ZSCAN29: variants seen among roughly 807,000 people sequenced by gnomAD.
ZSCAN29 encodes the protein zinc finger and SCAN domain containing 29, also known as zinc finger and SCAN domain-containing protein 29.
A neutral mutation model predicts 71.9 loss-of-function variants in ZSCAN29; 55 were observed. The ratio of observed to expected loss-of-function variants is 0.76; its 90% CI spans 0.62 to 0.96. The LOEUF (loss-of-function observed/expected upper bound fraction) is 0.96. Among genes scored for constraint, ZSCAN29 ranks in the 40% least tolerant of loss-of-function variants. ZSCAN29 has a pLI of 0.00. For synonymous variants in ZSCAN29, 351 were observed against 371.6 expected (o/e 0.94, Z 0.64); for missense variants, 1,042 against 1,042.2 (o/e 1.00, Z 0.00).
chr15:43,361,872 C>G lies in ZSCAN29; in HGVS notation c.1760G>C (p.Arg587Thr), dbSNP rs921257955. ...RDISEEVQLH[R>T]TLLARSERKI... ...CCTTTCAGATCTTGCAAGTAATGTC[C>G]TATGCAGTTGTACTTCCTCAGAAAT... The change falls in exon 6 of 6, where the codon AGG becomes ACG. Residue 587 changes from arginine (R) to threonine (T), a missense_variant. Coordinates refer to ENST00000684362, the MANE Select transcript of ZSCAN29 (RefSeq NM_001372080.1). The G allele has an allele frequency of 1.2e-5, 20 of 1,614,038 alleles. No homozygotes were observed. The highest frequency in any genetic ancestry group is 1.7e-5 in the Non-Finnish European group (20 of 1,180,032).
chr15:43,364,477 A>C, intron 4 of ZSCAN29, 95 bp from the exon 5 acceptor site: 1 of 1,133,252 alleles, frequency 8.8e-7, no homozygotes, highest in Non-Finnish European at 1.3e-6. Flanking sequence ...AATTCACCTA[A>C]GCTCAGGCTC....
chr15:43,363,817 AG>A (rs1188223140), intron 5 of ZSCAN29, 97 bp downstream of exon 5: 83 of 1,180,680 alleles, frequency 7.0e-5, no homozygotes, highest in Non-Finnish European at 9.5e-5. Flanking sequence ...AATCCATGAA[AG>A]CTGGGTGTAG....
chr15:43,361,966 G>A, intron 5 of ZSCAN29, 25 bp from the exon 6 acceptor site: 1 of 1,580,818 alleles, frequency 6.3e-7, no homozygotes, highest in Non-Finnish European at 8.6e-7. Flanking sequence ...AATTTTAGAA[G>A]TTATCTATTT....
In ZSCAN29 at chr15:43,361,518, G is replaced by C. The variant is rs1264296789; in HGVS notation, c.2114C>G (p.Pro705Arg). The change falls in exon 6 of 6, where the codon CCT becomes CGT. Residue 705 changes from proline to arginine, a missense_variant. Physicochemically the swap from Pro to Arg is moderately radical, Grantham distance 103. Transcript: ENST00000684362. The part of the protein sequence containing the change: ...RHRRIHTGEK[P>R]YKCLDCGKSF... ...TTTTCCACAGTCAAGACATTTATAA[G>C]GTTTCTCTCCAGTGTGGATTCTCCG... 2 of 1,614,182 alleles carry C rather than the reference G, an allele frequency of 1.2e-6. No individual in the cohort carries two copies. The highest frequency in any genetic ancestry group is 1.3e-5 in the African/African-American group (1 of 75,044).
Position 43,364,058 on chromosome 15 carries a change from C to T in ZSCAN29, c.1547G>A (p.Gly516Glu). ...QEETASCPVQGTSEAEAQKQA... is the reference protein window; with the variant it reads ...QEETASCPVQETSEAEAQKQA... ...CTTCTGAGCTTCAGCCTCACTGGTC[C>T]CCTGGACGGGGCAAGAAGCAGTCTC... Residue 516 changes from glycine to glutamate, a missense_variant, in exon 5 of 6, where the codon GGG (glycine) becomes GAG (glutamate). Coordinates refer to ENST00000684362, the MANE Select transcript of ZSCAN29 (RefSeq NM_001372080.1). 6.2e-7 allele frequency: 1 copy of T among 1,614,124 alleles called. No homozygotes were observed. The highest frequency in any genetic ancestry group is 8.5e-7 in the Non-Finnish European group (1 of 1,180,036).
At position 43,359,778 on chromosome 15, in the gene ZSCAN29, A is replaced by C. The variant is rs148814519; in HGVS notation, c.*1295T>G. The C allele has an allele frequency of 1.3e-5, 2 of 152,302 alleles. No individual in the cohort carries two copies. The highest frequency in any genetic ancestry group is 4.8e-5 in the African/African-American group (2 of 41,566). The allele number at this position is 152,302 out of a possible 1,614,324, so 9.4% of individuals were successfully genotyped here. A position where few individuals can be genotyped will look rare whatever the true frequency, so the allele number is the denominator to read the frequency against. On this transcript the variant is annotated 3_prime_UTR_variant, in exon 6 of 6. Coordinates refer to ENST00000684362, the MANE Select transcript of ZSCAN29 (RefSeq NM_001372080.1). ...ATGAGACTGGACAGAAAGAAAACCA[A>C]CCTAAATCCTGTAAATGTATTATTC...
Position 43,361,064 on chromosome 15 carries a change from C to T in ZSCAN29, c.*9G>A. On this transcript the variant is annotated 3_prime_UTR_variant, in exon 6 of 6. Coordinates refer to ENST00000684362, the MANE Select transcript of ZSCAN29 (RefSeq NM_001372080.1). ...ATTGAGCCTCTTTCCGTTATATATCCTCAGGGGCTTACTTGGGAGCTGACT... is the reference window on the plus strand; with the variant it reads ...ATTGAGCCTCTTTCCGTTATATATCTTCAGGGGCTTACTTGGGAGCTGACT... 1 of 1,582,444 alleles carries T rather than the reference C, an allele frequency of 6.3e-7. No homozygotes were observed. The highest frequency in any genetic ancestry group is 8.6e-7 in the Non-Finnish European group (1 of 1,162,348).
rs371950140 is a variant in ZSCAN29 at position 43,361,515 on chromosome 15, T to G, written c.2117A>C (p.Tyr706Ser). The G allele has an allele frequency of 3.1e-6, 5 of 1,614,096 alleles. No individual in the cohort carries two copies. Among genetic ancestry groups the G allele is most frequent in the Non-Finnish European group, 4.2e-6 (5 of 1,180,046 alleles). ...HRRIHTGEKP[Y>S]KCLDCGKSFR... ...ACTTTTTCCACAGTCAAGACATTTA[T>G]AAGGTTTCTCTCCAGTGTGGATTCT... The change falls in exon 6 of 6, where the codon TAT (tyrosine) becomes TCT (serine). Residue 706 changes from tyrosine to serine, a missense_variant. Transcript: ENST00000684362.
intron 5 of ZSCAN29, 21 bp downstream of exon 5, chr15:43,363,894 A>G: frequency 6.4e-7 from 1 of 1,560,380 alleles, no homozygotes; most frequent in Non-Finnish European, 8.7e-7. Flanking sequence ...TATTTATACC[A>G]TAATAGTGAA....
chr15:43,370,366 G>C (rs997558679), intron 1 of ZSCAN29, 192 bp downstream of exon 1: 1 of 155,942 alleles, frequency 6.4e-6, no homozygotes, highest in African/African-American at 2.4e-5. Context: ...GCAACAAAAA[G>C]CCTCTGTCCA....
Position 43,366,701 on chromosome 15 carries a change from T to C in ZSCAN29, c.631A>G (p.Ile211Val), listed in dbSNP as rs777442540. Residue 211 changes from isoleucine to valine, a missense_variant, in exon 4 of 6, where the codon ATA becomes GTA. Ile to Val is a conservative substitution (Grantham distance 29). Coordinates refer to ENST00000684362, the MANE Select transcript of ZSCAN29 (RefSeq NM_001372080.1). ...TCAGCATGCACTCGTCTGTCTCCTA[T>C]GTGGCTGCCACTTGGAAGTTCTTTC... ...KEKELPSGSH[I>V]GDRRVHADLL... 10 of 1,614,230 alleles carry C rather than the reference T, an allele frequency of 6.2e-6. No individual in the cohort carries two copies. Among genetic ancestry groups the C allele is most frequent in the East Asian group, 2.2e-5 (1 of 44,886 alleles).
rs2043975241 is a variant in ZSCAN29, at chr15:43,361,223, A to T, written c.2409T>A (p.Ser803=). The change falls in exon 6 of 6, where the codon TCT becomes TCA. Residue 803 remains serine, a synonymous_variant. Coordinates refer to ENST00000684362, the MANE Select transcript of ZSCAN29 (RefSeq NM_001372080.1). ...GGGTTCTATGATGTGCACGTAAGTC[A>T]GAACTCTTACTGAAACTCTTTCCAC... is the stretch of plus-strand genomic sequence containing the variant. ...PDCGKSFSKS[S]DLRAHHRTHT... is the part of the protein sequence containing the mutation. The T allele has an allele frequency of 1.2e-6, 2 of 1,613,418 alleles. No individual in the cohort carries two copies. The highest frequency in any genetic ancestry group is 4.5e-5 in the East Asian group (2 of 44,844).
Position 43,366,722 on chromosome 15 carries a change from C to T in ZSCAN29, c.610G>A (p.Glu204Lys), listed in dbSNP as rs139941693. ...CCTATGTGGCTGCCACTTGGAAGTTCTTTCTCCTTAGAGCCCAGCAGATCT... is the reference window on the plus strand; with the variant it reads ...CCTATGTGGCTGCCACTTGGAAGTTTTTTCTCCTTAGAGCCCAGCAGATCT... ...IPDLLGSKEK[E>K]LPSGSHIGDR... Residue 204 changes from glutamate to lysine, a missense_variant, in exon 4 of 6, where the codon GAA (glutamate) becomes AAA (lysine). Glu to Lys is a moderately conservative substitution (Grantham distance 56). Transcript: ENST00000684362. 74 of 1,614,074 alleles carry T rather than the reference C, an allele frequency of 4.6e-5. No homozygotes were observed. Among genetic ancestry groups the T allele is most frequent in the Admixed American group, 3.3e-5 (2 of 60,004 alleles).
rs1349379116 is a variant in ZSCAN29, at chr15:43,358,333, A to C, written c.*2740T>G. 1.3e-5 allele frequency: 2 copies of C among 152,412 alleles called. No individual in the cohort carries two copies. The highest frequency in any genetic ancestry group is 3.9e-4 in the East Asian group (2 of 5,192). The allele number at this position is 152,412 out of a possible 1,614,324, so 9.4% of individuals were successfully genotyped here. A position where few individuals can be genotyped will look rare whatever the true frequency, so the allele number is the denominator to read the frequency against. On this transcript the variant is annotated 3_prime_UTR_variant, in exon 6 of 6. Coordinates refer to ENST00000684362, the MANE Select transcript of ZSCAN29 (RefSeq NM_001372080.1). ...CCACAACCAATGCTTTTCCCACGAG[A>C]CTATACATAGATATACTAAAGACAA...
chr15:43,368,543 A>G lies in ZSCAN29; in HGVS notation c.523+380T>C, dbSNP rs1432593147. 3.9e-5 allele frequency among the ~76,000 whole-genome samples: 2 copies of G among 51,926 alleles called. 1 individual carries two copies. Among genetic ancestry groups the G allele is most frequent in the Non-Finnish European group, 6.0e-5 (2 of 33,264 alleles). The allele number at this position is 51,926 out of a possible 152,430, so 34.1% of individuals were successfully genotyped here. On this transcript the variant is annotated intron_variant, in intron 3 of 5. Coordinates refer to ENST00000684362, the MANE Select transcript of ZSCAN29 (RefSeq NM_001372080.1). ...TCCGTCTCAAAAAAAAAAAAAAAAAAAAAAAAAAAAAAAAAGAATGGATCT... is the reference window on the plus strand; with the variant it reads ...TCCGTCTCAAAAAAAAAAAAAAAAAGAAAAAAAAAAAAAAAGAATGGATCT...
At chr15:43,362,734 G>A (rs2043994197) in intron 5 of ZSCAN29, among the ~76,000 whole-genome samples, 1 of 152,088 alleles carries the variant, frequency 6.6e-6, no homozygotes, top group Admixed American at 6.5e-5. Context: ...CCTTAAATAT[G>A]TGAATATGTA....
At chr15:43,363,789 A>G in intron 5 of ZSCAN29, 126 bp downstream of exon 5, 1 of 876,236 alleles carries the variant, frequency 1.1e-6, no homozygotes, top group South Asian at 1.9e-5. Flanking sequence ...GACAAGAAAT[A>G]TGGGTGGTCA....
chr15:43,367,998 G>T (rs1036413709), intron 3 of ZSCAN29, among the ~76,000 whole-genome samples: 1 of 152,096 alleles, frequency 6.6e-6, no homozygotes, highest in Non-Finnish European at 1.5e-5. Flanking sequence ...AATCAACTAG[G>T]TATAAAGGCA....
intron 5 of ZSCAN29, 149 bp downstream of exon 5, chr15:43,363,766 A>C (rs1451523477): frequency 1.5e-6 from 1 of 684,000 alleles, no homozygotes; most frequent in African/African-American, 1.8e-5. Context: ...CCCCTCAGTG[A>C]GCTGCTTTAA....
Sources: gnomAD v4.1 joint callset for allele counts (sites outside exome capture counted in the v4.1 genomes callset) on GRCh38, gnomAD v4.1.1 for gene constraint, MANE v1.5 for transcripts, NCBI Gene and HGNC (gene_info 2026-07-23, HGNC 2026-07-21) for gene names.